MELTF: variants seen among roughly 807,000 people sequenced by gnomAD.
MELTF encodes the protein antigen p97 (melanoma associated) identified by monoclonal antibodies 133.2 and 96.5.
In MELTF, 67 loss-of-function variants were observed where a neutral mutation model predicts 83.7. The observed-to-expected ratio is 0.80, with a 90% CI of 0.66 to 0.98. The LOEUF is 0.98. Among genes scored for constraint, MELTF ranks in the 50% least tolerant of loss-of-function variants. The pLI is 0.00. For missense variants in MELTF, 1,002 were observed against 1,035.6 expected, an observed-to-expected ratio of 0.97 and a Z score of 0.44; for synonymous variants, 462 against 447.6, an observed-to-expected ratio of 1.03 and a Z score of -0.41.
rs1718872477 is a variant in MELTF, at chr3:197,003,829, C to T, written c.2137+72G>A. The T allele has an allele frequency of 6.6e-6, 10 of 1,506,438 alleles. No individual in the cohort carries two copies. The South Asian group carries it at 9.6e-5, about 15-fold the overall frequency. 93.3% of individuals were successfully genotyped at this position (1,506,438 alleles called of 1,614,324 possible). On this transcript the variant is annotated intron_variant, in intron 15 of 15. Coordinates refer to ENST00000296350, the MANE Select transcript of MELTF (RefSeq NM_005929.6). The surrounding 1 kb of genome is among the most constrained non-coding windows in gnomAD (Gnocchi z 6.2). ...GCCTCCCCGGACCCGCAGCGCCCCCCGCTCCCTCAGGGTTCTGGGGTGAAG... is the reference window on the plus strand; with the variant it reads ...GCCTCCCCGGACCCGCAGCGCCCCCTGCTCCCTCAGGGTTCTGGGGTGAAG...
intron 1 of MELTF, chr3:197,028,202 C>A (rs938273677): frequency 2.7e-6 from 1 of 373,928 alleles, no homozygotes; most frequent in Non-Finnish European, 5.0e-6. Context: ...CAGCTACCCC[C>A]ACCTGGTGGG....
At chr3:197,016,611 C>T (rs1392789656) in intron 7 of MELTF, among the ~76,000 whole-genome samples, 1 of 152,236 alleles carries the variant, frequency 6.6e-6, no homozygotes, top group Non-Finnish European at 1.5e-5. Flanking sequence ...TGTTTGGACA[C>T]ATGGCTGTGG....
chr3:197,026,718 G>A lies in MELTF; in HGVS notation c.246C>T (p.Ile82=). 1.2e-6 allele frequency: 2 copies of A among 1,613,416 alleles called. No homozygotes were observed. The highest frequency in any genetic ancestry group is 8.5e-7 in the Non-Finnish European group (1 of 1,180,024). ...GGCCGTGCTCCTTTCCCGCCTCATA[G>A]ATGGCTCCTCCATCCAGAGTGATGG... ...ADAITLDGGA[I]YEAGKEHGLK... Residue 82 remains isoleucine, a synonymous_variant, in exon 3 of 16, where the codon ATC becomes ATT. Coordinates refer to ENST00000296350, the MANE Select transcript of MELTF (RefSeq NM_005929.6).
At position 197,024,473 on chromosome 3, in the gene MELTF, G is replaced by T; in HGVS notation, c.317C>A (p.Ser106Tyr). The T allele has an allele frequency of 6.3e-7, 1 of 1,587,778 alleles. No individual in the cohort carries two copies. Among genetic ancestry groups the T allele is most frequent in the African/African-American group, 1.3e-5 (1 of 74,512 alleles). ...GEVYDQEVGT[S>Y]YYAVAVVRRS... is the part of the protein sequence containing the mutation. ...CCTGACCACAGCCACGGCGTAATAG[G>T]AGGTACCGACCTCTAGGAGGGGAGG... The change falls in exon 4 of 16, where the codon TCC becomes TAC. Residue 106 changes from serine (S) to tyrosine (Y), a missense_variant. By Grantham distance (144) the Ser-to-Tyr change is moderately radical (BLOSUM62 -2). Coordinates refer to ENST00000296350, the MANE Select transcript of MELTF (RefSeq NM_005929.6). This position sits in a 1 kb window ranked among gnomAD's most constrained non-coding sequence, Gnocchi z 5.3.
At chr3:197,016,969 C>G (rs112378631) in intron 7 of MELTF, 134 bp downstream of exon 7, 1 of 1,025,834 alleles carries the variant, frequency 9.7e-7, no homozygotes, top group Non-Finnish European at 1.4e-6. Context: ...CTCACTCTGA[C>G]CTGGCCCGAT....
At position 197,029,773 on chromosome 3, in the gene MELTF, C is replaced by T; in HGVS notation, c.-71G>A. ...TCCGAGGAGGTCCGCAGCAGCCGGG[C>T]TTCCTCCCTGCTCCCCCTCGCGCTG... is the stretch of plus-strand genomic sequence containing the variant. On this transcript the variant is annotated 5_prime_UTR_variant, in exon 1 of 16. Coordinates refer to ENST00000296350, the MANE Select transcript of MELTF (RefSeq NM_005929.6). The surrounding 1 kb of genome is among the most constrained non-coding windows in gnomAD (Gnocchi z 6.5). The T allele has an allele frequency of 1.9e-6, 2 of 1,058,454 alleles. No homozygotes were observed. Among genetic ancestry groups the T allele is most frequent in the African/African-American group, 3.3e-5 (2 of 60,966 alleles). The allele number at this position is 1,058,454 out of a possible 1,614,324, so 65.6% of individuals were successfully genotyped here. A position where few individuals can be genotyped will look rare whatever the true frequency, so the allele number is the denominator to read the frequency against.
At chr3:197,013,107 G>C (rs538652577) in intron 9 of MELTF, among the ~76,000 whole-genome samples, 2 of 152,266 alleles carry the variant, frequency 1.3e-5, no homozygotes, top group Admixed American at 6.5e-5. Context: ...GAACCACAAG[G>C]GACCCTGAAT....
Position 197,003,901 on chromosome 3 carries a change from C to T in MELTF, c.2137G>A (p.Ala713Thr). ...AGGCGGCAGGGCGGGCCTGTCCTACCTGCGCCCGAGCACTGCTGAGACGAC... is the reference window on the plus strand; with the variant it reads ...AGGCGGCAGGGCGGGCCTGTCCTACTTGCGCCCGAGCACTGCTGAGACGAC... ...GMSSQQCSGA[A>T]APAPGAPLLP... The change falls in exon 15 of 16, where the codon GCG becomes ACG. Residue 713 changes from alanine (A) to threonine (T), a missense_variant and splice_region_variant. Transcript: ENST00000296350. The surrounding 1 kb of genome is among the most constrained non-coding windows in gnomAD (Gnocchi z 6.2). The T allele has an allele frequency of 6.2e-7, 1 of 1,613,202 alleles. No homozygotes were observed. The highest frequency in any genetic ancestry group is 1.3e-5 in the African/African-American group (1 of 75,036).
At chr3:197,018,192 G>T (rs1294969086) in intron 6 of MELTF, among the ~76,000 whole-genome samples, 1 of 151,958 alleles carries the variant, frequency 6.6e-6, no homozygotes, top group Non-Finnish European at 1.5e-5. Context: ...CTTTCGCCCA[G>T]GCTGGAGTGC....
intron 6 of MELTF, chr3:197,019,016 G>GGAA (rs1303006769): frequency 1.0e-6 from 1 of 985,210 alleles, no homozygotes; most frequent in Non-Finnish European, 1.2e-6. Context: ...CAAGGAAATA[G>GGAA]GAAGAAAAAA....
intron 4 of MELTF, 33 bp from the exon 5 acceptor site, chr3:197,023,146 G>C (rs764398989): frequency 3.0e-5 from 49 of 1,611,216 alleles, no homozygotes; most frequent in Non-Finnish European, 4.1e-5. Flanking sequence ...TCACTCAGCA[G>C]AACTTTCTTC....
chr3:197,010,931 G>A, intron 9 of MELTF, 137 bp from the exon 10 acceptor site: 1 of 720,430 alleles, frequency 1.4e-6, no homozygotes, highest in Admixed American at 2.2e-5. Flanking sequence ...AATGTGGGTG[G>A]GGAGTACCCC....
At chr3:197,010,602 T>C in intron 10 of MELTF, 96 bp downstream of exon 10, 1 of 1,031,490 alleles carries the variant, frequency 9.7e-7, no homozygotes, top group Non-Finnish European at 1.5e-6. Flanking sequence ...GAGAGAGGCA[T>C]GGAGCTTTTG....
rs1719063552 is a variant in MELTF at position 197,008,701 on chromosome 3, T to C, written c.1706A>G (p.Asp569Gly). ...AFRCLVENAGDVAFVRHTTVF... is the reference protein window; with the variant it reads ...AFRCLVENAGGVAFVRHTTVF... ...GGTTGTGTGCCTGACGAAGGCAACGTCACCCGCATTCTCCACCAGGCACCT... is the reference window on the plus strand; with the variant it reads ...GGTTGTGTGCCTGACGAAGGCAACGCCACCCGCATTCTCCACCAGGCACCT... The change falls in exon 13 of 16, where the codon GAC becomes GGC. Residue 569 changes from aspartate (D) to glycine (G), a missense_variant. Physicochemically the swap from Asp to Gly is moderately conservative, Grantham distance 94. Coordinates refer to ENST00000296350, the MANE Select transcript of MELTF (RefSeq NM_005929.6). The surrounding 1 kb of genome is among the most constrained non-coding windows in gnomAD (Gnocchi z 5.4). 1.9e-6 allele frequency: 3 copies of C among 1,613,994 alleles called. No individual in the cohort carries two copies. The highest frequency in any genetic ancestry group is 2.7e-5 in the African/African-American group (2 of 74,884).
chr3:197,003,909 G>A lies in MELTF; in HGVS notation c.2129C>T (p.Ser710Leu), dbSNP rs768552718. The change falls in exon 15 of 16, where the codon TCG (serine) becomes TTG (leucine). Residue 710 changes from serine to leucine, a missense_variant. Ser to Leu is a moderately radical substitution (Grantham distance 145). Transcript: ENST00000296350. This position sits in a 1 kb window ranked among gnomAD's most constrained non-coding sequence, Gnocchi z 6.2. ...ALEGMSSQQC[S>L]GAAAPAPGAP... is the part of the protein sequence containing the mutation. ...GGGCGGGCCTGTCCTACCTGCGCCC[G>A]AGCACTGCTGAGACGACATCCCTTC... The A allele has an allele frequency of 3.7e-6, 6 of 1,613,500 alleles. No homozygotes were observed. In the African/African-American group the frequency reaches 4.0e-5, roughly 11 times the overall value.
chr3:197,016,109 G>A (rs558098363), intron 8 of MELTF, 80 bp downstream of exon 8: 40 of 1,292,546 alleles, frequency 3.1e-5, no homozygotes, highest in Admixed American at 1.5e-4. Flanking sequence ...GTCTTCCCCC[G>A]GCCACTTTCC....
At position 197,011,546 on chromosome 3, in the gene MELTF, C is replaced by A. The variant is rs116182636; in HGVS notation, c.1234-752G>T. Reference sequence around the variant, plus strand: ...TGTGCCCCAGGAAGGTGTCCCACGCCATTCCTGAAGAGGCATGAAGTGATG... The same window carrying A: ...TGTGCCCCAGGAAGGTGTCCCACGCAATTCCTGAAGAGGCATGAAGTGATG... On this transcript the variant is annotated intron_variant, in intron 9 of 15. Coordinates refer to ENST00000296350, the MANE Select transcript of MELTF (RefSeq NM_005929.6). This position sits in a 1 kb window ranked among gnomAD's most constrained non-coding sequence, Gnocchi z 4.2. Among the ~76,000 whole-genome samples the A allele has an allele frequency of 4.1e-3, 622 of 152,330 alleles. 8 individuals are homozygous for A. Among genetic ancestry groups the A allele is most frequent in the African/African-American group, 0.014 (593 of 41,580 alleles).
chr3:197,029,532 TC>T lies in MELTF; in HGVS notation c.49+121del. The T allele has an allele frequency of 1.3e-6, 1 of 748,768 alleles. No homozygotes were observed. The highest frequency in any genetic ancestry group is 1.8e-6 in the Non-Finnish European group (1 of 547,954). The allele number at this position is 748,768 out of a possible 1,614,324, so 46.4% of individuals were successfully genotyped here. ...CCTCACTCGACCCCGAGCCCCTGCC[TC>T]CCCCGTCTCACTGCCCCGGAGCCGC... On this transcript the variant is annotated intron_variant, in intron 1 of 15. Coordinates refer to ENST00000296350, the MANE Select transcript of MELTF (RefSeq NM_005929.6). The surrounding 1 kb of genome is among the most constrained non-coding windows in gnomAD (Gnocchi z 6.5).
chr3:197,016,344 C>A lies in MELTF; in HGVS notation c.926G>T (p.Ser309Ile). 6.2e-7 allele frequency: 1 copy of A among 1,601,802 alleles called. No individual in the cohort carries two copies. Among genetic ancestry groups the A allele is most frequent in the Non-Finnish European group, 8.5e-7 (1 of 1,173,912 alleles). Residue 309 changes from serine (S) to isoleucine (I), a missense_variant, in exon 8 of 16, where the codon AGC becomes ATC. By Grantham distance (142) the Ser-to-Ile change is moderately radical. Transcript: ENST00000296350. ...GGCCTCAGAGCTGAACATCTGGAAG[C>A]TGCTGCCCTCGTGGCTGAACAGACG... ...GQRLFSHEGSSFQMFSSEAYG... is the reference protein window; with the variant it reads ...GQRLFSHEGSIFQMFSSEAYG...
Sources: gnomAD v4.1 joint callset for allele counts (sites outside exome capture counted in the v4.1 genomes callset) on GRCh38, gnomAD v4.1.1 for gene constraint, Gnocchi (gnomAD v3.1) non-coding constraint, MANE v1.5 for transcripts, NCBI Gene and HGNC (gene_info 2026-07-23, HGNC 2026-07-21) for gene names.